C1orf159: variants seen among roughly 807,000 people sequenced by gnomAD.
C1orf159 encodes the protein uncharacterized protein C1orf159.
In C1orf159, 19 loss-of-function variants were observed where a neutral mutation model predicts 25.6. The observed-to-expected ratio is 0.74, with a 90% CI of 0.52 to 1.09. The LOEUF (loss-of-function observed/expected upper bound fraction) is 1.09. Ranked by LOEUF, C1orf159 falls within the 50% of genes least tolerant of loss-of-function variation. The pLI is 0.00. For missense variants in C1orf159, 274 were observed against 290.6 expected, an observed-to-expected ratio of 0.94 and a Z score of 0.42; for synonymous variants, 139 against 124.7, an observed-to-expected ratio of 1.12 and a Z score of -0.77.
At chr1:1,084,291 A>G (rs1645793154) in intron 9 of C1orf159, 62 bp downstream of exon 9, 1 of 1,521,614 alleles carries the variant, frequency 6.6e-7, no homozygotes. Context: ...AAACCCACAG[A>G]GCACCCTGGG....
chr1:1,089,790 C>T lies in C1orf159; in HGVS notation c.148+563G>A, dbSNP rs1418901019. Among the ~76,000 whole-genome samples, 4 of 152,190 alleles carry T rather than the reference C, an allele frequency of 2.6e-5. No individual in the cohort carries two copies. The highest frequency in any genetic ancestry group is 5.9e-5 in the Non-Finnish European group (4 of 68,036). On this transcript the variant is annotated intron_variant, in intron 4 of 9. Coordinates refer to ENST00000421241, the MANE Select transcript of C1orf159 (RefSeq NM_017891.5). This position sits in a 1 kb window ranked among gnomAD's most constrained non-coding sequence, Gnocchi z 7.5. Reference sequence around the variant, plus strand: ...TCTGTCCTCCCCTCCCCTGGCTGCTCCCACTGGCTGCCCTCACCAGCCTCA... The same window carrying T: ...TCTGTCCTCCCCTCCCCTGGCTGCTTCCACTGGCTGCCCTCACCAGCCTCA...
Position 1,082,804 on chromosome 1 carries a change from G to A in C1orf159, c.*89C>T. The A allele has an allele frequency of 8.2e-7, 1 of 1,225,120 alleles. No homozygotes were observed. The highest frequency in any genetic ancestry group is 2.5e-5 in the East Asian group (1 of 39,314). 75.9% of individuals were successfully genotyped at this position (1,225,120 alleles called of 1,614,324 possible). On this transcript the variant is annotated 3_prime_UTR_variant, in exon 10 of 10. Coordinates refer to ENST00000421241, the MANE Select transcript of C1orf159 (RefSeq NM_017891.5). ...TGCCCAGGACTGTCCCGGGCGCCGG[G>A]CGATGCCAACACTTTGTGCTGGTTC...
At chr1:1,111,176 TTA>T (rs1361413417) in intron 1 of C1orf159, among the ~76,000 whole-genome samples, 1 of 152,096 alleles carries the variant, frequency 6.6e-6, no homozygotes. Flanking sequence ...AATGAAAAAT[TTA>T]GTGAGAATTT....
intron 1 of C1orf159, among the ~76,000 whole-genome samples, chr1:1,099,702 T>C (rs908697023): frequency 6.1e-5 from 6 of 99,092 alleles, no homozygotes; most frequent in African/African-American, 4.0e-4. Flanking sequence ...GTTCTAAGAA[T>C]TGGAGAGAGA....
At chr1:1,083,795 CA>C in intron 9 of C1orf159, 2 of 905,936 alleles carry the variant, frequency 2.2e-6, no homozygotes, top group Non-Finnish European at 3.4e-6. Flanking sequence ...GCCCCCATGA[CA>C]GACTTCTGCA....
Position 1,090,396 on chromosome 1 carries a change from C to CA in C1orf159, c.104dup (p.Val37ArgfsTer44). 6.5e-7 allele frequency: 1 copy of CA among 1,549,956 alleles called. No homozygotes were observed. Among genetic ancestry groups the CA allele is most frequent in the Non-Finnish European group, 8.7e-7 (1 of 1,146,778 alleles). On this transcript the variant is annotated frameshift_variant, in exon 4 of 10. Transcript: ENST00000421241. LOFTEE classifies it high-confidence loss of function. ...CGCCTGGGCAGCTGGCGTTGACGCCCACCACATCCACACAGCACTCGGGCA... is the reference window on the plus strand; with the variant it reads ...CGCCTGGGCAGCTGGCGTTGACGCCCAACCACATCCACACAGCACTCGGGCA...
intron 2 of C1orf159, 125 bp from the exon 3 acceptor site, chr1:1,091,690 G>A (rs11260590): frequency 0.12 from 57,498 of 471,814 alleles, 5,405 homozygotes; most frequent in African/African-American, 0.34. Context: ...GGAGGGCAGA[G>A]CCAAATGGAG....
intron 1 of C1orf159, among the ~76,000 whole-genome samples, chr1:1,095,554 A>G (rs1222080567): frequency 6.6e-6 from 1 of 152,256 alleles, no homozygotes; most frequent in African/African-American, 2.4e-5. Flanking sequence ...TAATAGTTCT[A>G]GCAATTCTCT....
In C1orf159 at chr1:1,082,662, A is replaced by T; in HGVS notation, c.*231T>A. On this transcript the variant is annotated 3_prime_UTR_variant, in exon 10 of 10. Transcript: ENST00000421241. ...CCTCGATCTGAAGCTCTGAGGTCTC[A>T]TGGATGCCTGCTCCTGGTCCGATAA... The T allele has an allele frequency of 1.8e-6, 1 of 562,464 alleles. No individual in the cohort carries two copies. 34.8% of individuals were successfully genotyped at this position (562,464 alleles called of 1,614,324 possible).
chr1:1,110,665 C>G lies in C1orf159; in HGVS notation c.-136+5395G>C, dbSNP rs528195897. Among the ~76,000 whole-genome samples the G allele has an allele frequency of 3.1e-3, 463 of 151,802 alleles. 1 individual carries two copies. The highest frequency in any genetic ancestry group is 0.01 in the African/African-American group (424 of 41,062). On this transcript the variant is annotated intron_variant, in intron 1 of 9. Transcript: ENST00000421241. This position sits in a 1 kb window ranked among gnomAD's most constrained non-coding sequence, Gnocchi z 4.8. ...CACACCTGGGATGCAGCCTTCCCCC[C>G]GGGCACGTTCCCAAGAGAAACAACA...
chr1:1,083,062 C>A, intron 9 of C1orf159, 75 bp from the exon 10 acceptor site: 1 of 1,278,092 alleles, frequency 7.8e-7, no homozygotes. Flanking sequence ...CAGCCCTCAC[C>A]GGAGGCTCTC....
chr1:1,100,314 G>A (rs779138692), intron 1 of C1orf159, among the ~76,000 whole-genome samples: 33 of 151,784 alleles, frequency 2.2e-4, no homozygotes, highest in Admixed American at 4.6e-4. Flanking sequence ...ATGTAGGTAT[G>A]TTAATCGTTT....
At chr1:1,113,120 C>T (rs1306132500) in intron 1 of C1orf159, among the ~76,000 whole-genome samples, 5 of 151,336 alleles carry the variant, frequency 3.3e-5, no homozygotes, top group Admixed American at 2.6e-4. Context: ...GACATGAACC[C>T]GGGAGGCAGA....
chr1:1,103,734 CTTGT>C (rs1408904233), intron 1 of C1orf159, among the ~76,000 whole-genome samples: 1 of 152,174 alleles, frequency 6.6e-6, no homozygotes, highest in Non-Finnish European at 1.5e-5. Flanking sequence ...TTCTTTTTTG[CTTGT>C]TTGTTTTCTG....
chr1:1,091,335 T>G lies in C1orf159; in HGVS notation c.72+137A>C, dbSNP rs755832495. On this transcript the variant is annotated intron_variant, in intron 3 of 9. Coordinates refer to ENST00000421241, the MANE Select transcript of C1orf159 (RefSeq NM_017891.5). The stretch of plus-strand genomic sequence containing the variant: ...GCACAGGCCCCTCTGACCCCAGCAG[T>G]GGACCTGGTCAGCACCTCTGGGGCT... 7.5e-5 allele frequency: 65 copies of G among 861,482 alleles called. No homozygotes were observed. In the South Asian group the frequency reaches 9.7e-4, roughly 13 times the overall value. 53.4% of individuals were successfully genotyped at this position (861,482 alleles called of 1,614,324 possible).
chr1:1,089,439 C>T lies in C1orf159; in HGVS notation c.148+914G>A, dbSNP rs1350204045. Among the ~76,000 whole-genome samples, 4 of 152,126 alleles carry T rather than the reference C, an allele frequency of 2.6e-5. No individual in the cohort carries two copies. Among genetic ancestry groups the T allele is most frequent in the African/African-American group, 9.7e-5 (4 of 41,424 alleles). ...CCAAGGTGCTCAGCTTCCTCCCAGC[C>T]CCTCTGTTCTCCCTCAGAGCGGTGC... On this transcript the variant is annotated intron_variant, in intron 4 of 9. Transcript: ENST00000421241. This position sits in a 1 kb window ranked among gnomAD's most constrained non-coding sequence, Gnocchi z 7.5.
chr1:1,088,557 C>G (rs1017788579), intron 4 of C1orf159, among the ~76,000 whole-genome samples: 3 of 151,316 alleles, frequency 2.0e-5, no homozygotes, highest in Non-Finnish European at 4.4e-5. Flanking sequence ...CATCCCCCCG[C>G]CAGGCCGACG....
intron 4 of C1orf159, among the ~76,000 whole-genome samples, chr1:1,088,008 G>A (rs1439842727): frequency 6.6e-6 from 1 of 151,878 alleles, no homozygotes; most frequent in Non-Finnish European, 1.5e-5. Context: ...AGAGTGGTAG[G>A]CGGCAGCATC....
At position 1,087,557 on chromosome 1, in the gene C1orf159, G is replaced by A. The variant is rs1031012415; in HGVS notation, c.189C>T (p.Cys63=). The A allele has an allele frequency of 1.2e-5, 18 of 1,548,932 alleles. No individual in the cohort carries two copies. Among genetic ancestry groups the A allele is most frequent in the African/African-American group, 8.2e-5 (6 of 72,988 alleles). ...RRWNADGSAS[C]VRCGNGTLPA... Reference sequence around the variant, plus strand: ...GGAGGGTTCCGTTCCCACAGCGGACGCAGCTGGCGCTCCCGTCCGCGTTCC... The same window carrying A: ...GGAGGGTTCCGTTCCCACAGCGGACACAGCTGGCGCTCCCGTCCGCGTTCC... The change falls in exon 5 of 10, where the codon TGC becomes TGT. Residue 63 remains cysteine, a synonymous_variant. Coordinates refer to ENST00000421241, the MANE Select transcript of C1orf159 (RefSeq NM_017891.5). This position sits in a 1 kb window ranked among gnomAD's most constrained non-coding sequence, Gnocchi z 8.3.
Sources: allele counts gnomAD v4.1 joint callset (sites outside exome capture counted in the v4.1 genomes callset), GRCh38; gene constraint gnomAD v4.1.1; non-coding constraint Gnocchi (gnomAD v3.1); transcripts MANE v1.5; gene names NCBI Gene and HGNC (gene_info 2026-07-23, HGNC 2026-07-21).